PHLDB2: variants seen among roughly 807,000 people sequenced by gnomAD.
PHLDB2 encodes pleckstrin homology like domain family B member 2.
PHLDB2 carries 71 observed loss-of-function variants against 123.6 expected under a neutral mutation model. The ratio of observed to expected loss-of-function variants is 0.57; its 90% CI spans 0.47 to 0.70. The LOEUF (loss-of-function observed/expected upper bound fraction) is 0.70. Ranked by LOEUF, PHLDB2 falls within the 30% of genes least tolerant of loss-of-function variation. PHLDB2 has a pLI of 0.00. For synonymous variants in PHLDB2, 547 were observed against 541.6 expected, an observed-to-expected ratio of 1.01 and a Z score of -0.14; for missense variants, 1,446 against 1,519.5, an observed-to-expected ratio of 0.95 and a Z score of 0.80.
chr3:111,916,338 T>C (rs953689933), intron 3 of PHLDB2: 2 of 152,218 alleles, frequency 1.3e-5, no homozygotes, highest in African/African-American at 4.8e-5. Flanking sequence ...CACATTTTTT[T>C]ACTTATTACT....
At chr3:111,776,941 T>A (rs1386004035) in intron 1 of PHLDB2, among the ~76,000 whole-genome samples, 1 of 151,972 alleles carries the variant, frequency 6.6e-6, no homozygotes, top group Non-Finnish European at 1.5e-5. Context: ...GAGCTTACAG[T>A]CAAGCCAAGA....
At chr3:111,793,618 G>C (rs1018633380) in intron 1 of PHLDB2, among the ~76,000 whole-genome samples, 23 of 151,964 alleles carry the variant, frequency 1.5e-4, no homozygotes, top group Non-Finnish European at 2.8e-4. Flanking sequence ...GGAATGTGCT[G>C]GGTCTCACCT....
chr3:111,940,644 G>A lies in PHLDB2; in HGVS notation c.2396G>A (p.Arg799Lys), dbSNP rs745844786. 1.7e-5 allele frequency: 26 copies of A among 1,559,538 alleles called. No homozygotes were observed. Among genetic ancestry groups the A allele is most frequent in the Non-Finnish European group, 1.7e-5 (19 of 1,143,874 alleles). ...EKNNLIMMLQ[R>K]EKENLCNLEK... Reference sequence around the variant, plus strand: ...AATAATTTAATAATGATGTTGCAAAGAGTAAGTATTTCCTTTTCAGCACTG... The same window carrying A: ...AATAATTTAATAATGATGTTGCAAAAAGTAAGTATTTCCTTTTCAGCACTG... The change falls in exon 8 of 18, where the codon AGA becomes AAA. Residue 799 changes from arginine (R) to lysine (K), a missense_variant and splice_region_variant. Physicochemically the swap from Arg to Lys is conservative, Grantham distance 26. Around this residue, in one of 3 missense-constraint regions of PHLDB2, gnomAD observed 594 missense variants for 646.0 expected, o/e 0.92. Transcript: ENST00000431670.
chr3:111,972,242 G>A (rs13065303), intron 16 of PHLDB2, among the ~76,000 whole-genome samples: 59,103 of 151,906 alleles, frequency 0.39, 12,041 homozygotes, highest in East Asian at 0.56. Context: ...CTTGTCTTTC[G>A]CAGAAACTGA....
At chr3:111,880,788 T>C (rs2065894987) in intron 1 of PHLDB2, among the ~76,000 whole-genome samples, 1 of 152,120 alleles carries the variant, frequency 6.6e-6, no homozygotes, top group Non-Finnish European at 1.5e-5. Flanking sequence ...ACAATGAAAC[T>C]ACCCTGTTCA....
intron 1 of PHLDB2, among the ~76,000 whole-genome samples, chr3:111,808,593 C>G (rs2061701174): frequency 6.6e-6 from 1 of 151,632 alleles, no homozygotes; most frequent in Non-Finnish European, 1.5e-5. Context: ...CATGGATGAT[C>G]CTGTCACTCA....
At chr3:111,765,614 T>C (rs182861519) in intron 1 of PHLDB2, among the ~76,000 whole-genome samples, 23 of 152,318 alleles carry the variant, frequency 1.5e-4, no homozygotes, top group Non-Finnish European at 2.5e-4. Flanking sequence ...TTTAACTCCA[T>C]TACATAAATA....
chr3:111,945,471 C>T, intron 9 of PHLDB2, 114 bp downstream of exon 9: 1 of 796,606 alleles, frequency 1.3e-6, no homozygotes. Flanking sequence ...CCTGTGAAAG[C>T]ACTCAATGCT....
chr3:111,783,618 G>T (rs751963455), intron 1 of PHLDB2, among the ~76,000 whole-genome samples: 1 of 152,064 alleles, frequency 6.6e-6, no homozygotes, highest in African/African-American at 2.4e-5. Context: ...GAGAGAAACA[G>T]GTTGAAGATA....
intron 1 of PHLDB2, among the ~76,000 whole-genome samples, chr3:111,799,349 T>C (rs2061293981): frequency 6.6e-6 from 1 of 152,352 alleles, no homozygotes; most frequent in South Asian, 2.1e-4. Context: ...GAACACAGAC[T>C]GCTGTAAATA....
In PHLDB2 at chr3:111,850,195, G is replaced by A. The variant is rs2064190422; in HGVS notation, c.67+4260G>A. 1.3e-5 allele frequency among the ~76,000 whole-genome samples: 2 copies of A among 152,124 alleles called. 1 individual carries two copies. The highest frequency in any genetic ancestry group is 4.1e-4 in the South Asian group (2 of 4,830). On this transcript the variant is annotated intron_variant, in intron 2 of 17. Coordinates refer to the PHLDB2 transcript ENST00000393923. Reference sequence around the variant, plus strand: ...CATTATTCTAAGTGAAATAACAGGGGTGGAAAACTGAAAACCGTATGTTCT... The same window carrying A: ...CATTATTCTAAGTGAAATAACAGGGATGGAAAACTGAAAACCGTATGTTCT...
intron 1 of PHLDB2, among the ~76,000 whole-genome samples, chr3:111,837,104 A>G (rs1234121862): frequency 6.6e-6 from 1 of 152,194 alleles, no homozygotes; most frequent in Non-Finnish European, 1.5e-5. Context: ...ACATTGTTAT[A>G]GTAATGAAAC....
intron 1 of PHLDB2, among the ~76,000 whole-genome samples, chr3:111,745,494 G>C (rs143620112): frequency 0.013 from 1,912 of 152,292 alleles, 60 homozygotes; most frequent in African/African-American, 0.043. Context: ...CAGGTGTGGT[G>C]GCTTACACCT....
chr3:111,788,324 A>C (rs2060776546), intron 1 of PHLDB2, among the ~76,000 whole-genome samples: 1 of 152,236 alleles, frequency 6.6e-6, no homozygotes, highest in Non-Finnish European at 1.5e-5. Flanking sequence ...CCAAAAACTA[A>C]GAGTGACATA....
chr3:111,765,923 G>A (rs867305040), intron 1 of PHLDB2, among the ~76,000 whole-genome samples: 20 of 151,892 alleles, frequency 1.3e-4, no homozygotes, highest in Admixed American at 8.5e-4. Flanking sequence ...CACACATACT[G>A]CAAATCAGAA....
At chr3:111,961,904 AGACTCAGC>A in intron 12 of PHLDB2, 196 bp from the exon 13 acceptor site, 1 of 526,640 alleles carries the variant, frequency 1.9e-6, no homozygotes, top group Non-Finnish European at 3.3e-6. Flanking sequence ...GAGGGGTAAG[AGACTCAGC>A]AGACCACTTC....
intron 1 of PHLDB2, among the ~76,000 whole-genome samples, chr3:111,770,631 G>C (rs1330838058): frequency 6.6e-6 from 1 of 152,158 alleles, no homozygotes; most frequent in African/African-American, 2.4e-5. Context: ...GAATCTGTGA[G>C]AGAATTCATA....
chr3:111,942,786 G>A (rs1463172200), intron 8 of PHLDB2, among the ~76,000 whole-genome samples: 3 of 150,456 alleles, frequency 2.0e-5, no homozygotes, highest in South Asian at 4.2e-4. Context: ...TAATGAATCA[G>A]CAATATATAT....
chr3:111,941,787 A>G (rs2069902666), intron 8 of PHLDB2, among the ~76,000 whole-genome samples: 1 of 150,178 alleles, frequency 6.7e-6, no homozygotes, highest in South Asian at 2.1e-4. Context: ...AGCCTGAGCA[A>G]CAGAGTGAGA....
Sources: allele counts gnomAD v4.1 joint callset (sites outside exome capture counted in the v4.1 genomes callset), GRCh38; gene constraint gnomAD v4.1.1; regional missense constraint gnomAD v4.1.1; transcripts MANE v1.5; gene names NCBI Gene and HGNC (gene_info 2026-07-23, HGNC 2026-07-21).